ASB2: variants seen among roughly 807,000 people sequenced by gnomAD.
ASB2 encodes the protein ankyrin repeat and SOCS box protein 2.
A neutral mutation model predicts 62.4 loss-of-function variants in ASB2; 58 were observed. That is an observed-to-expected ratio of 0.93 (90% CI 0.75 to 1.16). ASB2 has a LOEUF of 1.16. Ranked by LOEUF, ASB2 falls within the 50% of genes most tolerant of loss-of-function variation. The pLI is 0.00. For missense variants in ASB2, 928 were observed against 887.9 expected (o/e 1.05, Z -0.57); for synonymous variants, 386 against 385.3 (o/e 1.00, Z -0.02).
chr14:93,950,862 A>C, intron 6 of ASB2, 137 bp downstream of exon 6: 2 of 1,001,098 alleles, frequency 2.0e-6, no homozygotes, highest in Non-Finnish European at 3.0e-6. Flanking sequence ...TCAACACAGC[A>C]CTCTAGGAGG....
intron 7 of ASB2, among the ~76,000 whole-genome samples, chr14:93,946,765 T>G (rs1884208): frequency 6.6e-6 from 1 of 152,114 alleles, no homozygotes; most frequent in African/African-American, 2.4e-5. Context: ...TATCTAGCAC[T>G]TAGTAATTGC....
chr14:93,945,380 C>T (rs370677759), intron 7 of ASB2, among the ~76,000 whole-genome samples: 68 of 152,292 alleles, frequency 4.5e-4, no homozygotes, highest in African/African-American at 1.5e-3. Context: ...CTGTCTGAAC[C>T]GCTCAATCAT....
intron 1 of ASB2, among the ~76,000 whole-genome samples, chr14:93,965,801 G>A (rs1345632083): frequency 6.6e-6 from 1 of 152,254 alleles, no homozygotes; most frequent in Non-Finnish European, 1.5e-5. Context: ...TGGCCTGTGA[G>A]GGCTGATGGA....
At chr14:93,957,216 C>G (rs551807005) in intron 2 of ASB2, 2 of 1,257,518 alleles carry the variant, frequency 1.6e-6, no homozygotes, top group East Asian at 3.8e-5. Flanking sequence ...GGATGTGAGC[C>G]GTGGTCGGCA....
At chr14:93,962,119 T>TTTTTC (rs1889427815) in intron 2 of ASB2, among the ~76,000 whole-genome samples, 1 of 113,596 alleles carries the variant, frequency 8.8e-6, no homozygotes, top group Non-Finnish European at 1.8e-5. Flanking sequence ...TTTTTTTTTT[T>TTTTTC]TTTTTTTTTT....
chr14:93,958,714 C>T (rs191526163), intron 2 of ASB2, among the ~76,000 whole-genome samples: 1 of 152,264 alleles, frequency 6.6e-6, no homozygotes. Context: ...GAGAGACAGC[C>T]GGCAGGTGGA....
chr14:93,969,628 TG>T (rs1250450550), intron 1 of ASB2, among the ~76,000 whole-genome samples: 1 of 152,096 alleles, frequency 6.6e-6, no homozygotes, highest in East Asian at 1.9e-4. Context: ...GGAGGCTGAT[TG>T]GAATCAAAAA....
chr14:93,944,011 G>C (rs1352205877), intron 7 of ASB2: 1 of 456,090 alleles, frequency 2.2e-6, no homozygotes, highest in East Asian at 6.9e-5. Flanking sequence ...ATGCAAGTCT[G>C]TGTTTTCTGT....
chr14:93,941,321 AG>A (rs1243116776), intron 7 of ASB2: 3 of 224,360 alleles, frequency 1.3e-5, no homozygotes, highest in Non-Finnish European at 2.5e-5. Flanking sequence ...TGGCCATTAC[AG>A]GGGGTGGGGC....
In ASB2 at chr14:93,939,458, T is replaced by C; in HGVS notation, c.1267A>G (p.Asn423Asp). 1 of 1,612,144 alleles carries C rather than the reference T, an allele frequency of 6.2e-7. No homozygotes were observed. The highest frequency in any genetic ancestry group is 8.5e-7 in the Non-Finnish European group (1 of 1,179,666). ...SALYFAVVNN[N>D]VYATELLLQH... is the part of the protein sequence containing the mutation. ...AGCAGCAGCTCGGTGGCGTACACGT[T>C]GTTGTTGACCACCGCGAAGTACAGC... Residue 423 changes from asparagine (N) to aspartate (D), a missense_variant, in exon 8 of 10, where the codon AAC becomes GAC. Asn to Asp is a conservative substitution (Grantham distance 23). Transcript: ENST00000555019.
intron 6 of ASB2, chr14:93,948,224 C>T (rs1216575281): frequency 6.5e-6 from 1 of 154,326 alleles, no homozygotes; most frequent in Middle Eastern, 5.1e-4. Flanking sequence ...CACAGAACAC[C>T]TAGACCACTT....
chr14:93,939,089 G>C lies in ASB2; in HGVS notation c.1617+19C>G, dbSNP rs772116351. On this transcript the variant is annotated intron_variant, in intron 8 of 9. Transcript: ENST00000555019. ...ACACCCAAAAGGCGTGCTCCCCACCGCCAGCGTGCGCTGCCCACCTGCACC... is the reference window on the plus strand; with the variant it reads ...ACACCCAAAAGGCGTGCTCCCCACCCCCAGCGTGCGCTGCCCACCTGCACC... 2.8e-6 allele frequency: 4 copies of C among 1,439,606 alleles called. No homozygotes were observed. The Admixed American group carries it at 1.1e-4, about 40-fold the overall frequency. The allele number at this position is 1,439,606 out of a possible 1,614,324, so 89.2% of individuals were successfully genotyped here.
chr14:93,972,754 C>A (rs1219034835), intron 1 of ASB2, among the ~76,000 whole-genome samples: 2 of 152,350 alleles, frequency 1.3e-5, no homozygotes, highest in Non-Finnish European at 2.9e-5. Context: ...TTGCCCTTGA[C>A]CCCTATGAGT....
intron 2 of ASB2, among the ~76,000 whole-genome samples, chr14:93,959,948 A>G (rs1266995139): frequency 6.6e-6 from 1 of 150,684 alleles, no homozygotes; most frequent in African/African-American, 2.5e-5. Flanking sequence ...ACATGTCACC[A>G]GTCCACCCCA....
rs1253433236 is a variant in ASB2, at chr14:93,965,137, C to T, written c.-73-525G>A. On this transcript the variant is annotated intron_variant, in intron 1 of 9. Coordinates refer to ENST00000555019, the MANE Select transcript of ASB2 (RefSeq NM_001202429.2). ...ATTTATTCATGCATCATCACATCCA[C>T]CCACCATACATCCATCTATCCAATC... Among the ~76,000 whole-genome samples the T allele has an allele frequency of 2.6e-5, 4 of 152,228 alleles. 1 individual carries two copies. The highest frequency in any genetic ancestry group is 2.6e-4 in the Admixed American group (4 of 15,282).
intron 9 of ASB2, among the ~76,000 whole-genome samples, chr14:93,937,305 C>A (rs1372885630): frequency 6.6e-6 from 1 of 152,296 alleles, no homozygotes; most frequent in Admixed American, 6.5e-5. Context: ...TTCATGTGCA[C>A]TTTAGTTTGA....
chr14:93,957,128 A>C, intron 2 of ASB2: 3 of 1,340,160 alleles, frequency 2.2e-6, no homozygotes, highest in Non-Finnish European at 2.9e-6. Context: ...GGTTAACCTC[A>C]CCCCACCCCC....
rs769404785 is a variant in ASB2 at position 93,954,430 on chromosome 14, T to A, written c.365A>T (p.Lys122Met). 3.2e-5 allele frequency: 51 copies of A among 1,614,152 alleles called. No homozygotes were observed. The highest frequency in any genetic ancestry group is 4.2e-5 in the Non-Finnish European group (50 of 1,179,956). Residue 122 changes from lysine (K) to methionine (M), a missense_variant, in exon 4 of 10, where the codon AAG becomes ATG. Coordinates refer to ENST00000555019, the MANE Select transcript of ASB2 (RefSeq NM_001202429.2). ...ATTCTTCCCTTCCTTGATCATGGTC[T>A]TCAAGGCCTCTTCATCGCCATCCTT... ...AIKDGDEEAL[K>M]TMIKEGKNLA...
chr14:93,975,794 A>T (rs778930548), intron 1 of ASB2, among the ~76,000 whole-genome samples: 1 of 152,102 alleles, frequency 6.6e-6, no homozygotes, highest in African/African-American at 2.4e-5. Flanking sequence ...CATCCCACCC[A>T]TCCTTTCAAA....
Sources: allele counts gnomAD v4.1 joint callset (sites outside exome capture counted in the v4.1 genomes callset), GRCh38; gene constraint gnomAD v4.1.1; transcripts MANE v1.5; gene names NCBI Gene and HGNC (gene_info 2026-07-23, HGNC 2026-07-21).